THADA: variants seen among roughly 807,000 people sequenced by gnomAD.
THADA encodes the protein THADA armadillo repeat containing.
In THADA, 213 loss-of-function variants were observed where a neutral mutation model predicts 219.8. The ratio of observed to expected loss-of-function variants is 0.97; its 90% confidence interval spans 0.87 to 1.09. THADA has a LOEUF of 1.09. Among genes scored for constraint, THADA ranks in the 50% least tolerant of loss-of-function variants. The pLI, the probability that THADA is intolerant of heterozygous loss-of-function variation, is 0.00. For synonymous variants in THADA, 1,018 were observed against 828.9 expected (o/e 1.23, Z -3.92); for missense variants, 2,956 against 2,311.3 (o/e 1.28, Z -5.72).
chr2:43,522,822 G>A (rs1372842008), intron 22 of THADA, among the ~76,000 whole-genome samples: 1 of 151,934 alleles, frequency 6.6e-6, no homozygotes, highest in African/African-American at 2.4e-5. Flanking sequence ...AATAGAAAAG[G>A]GAAATTAAAA....
chr2:43,375,353 T>C (rs1671251954), intron 29 of THADA, among the ~76,000 whole-genome samples: 1 of 152,184 alleles, frequency 6.6e-6, no homozygotes, highest in Non-Finnish European at 1.5e-5. Context: ...TCAATGAAAC[T>C]ATCAATGGAG....
In THADA at chr2:43,398,005, A is replaced by T. The variant is rs777912941; in HGVS notation, c.4193T>A (p.Phe1398Tyr). 4.8e-5 allele frequency: 78 copies of T among 1,613,854 alleles called. No homozygotes were observed. The highest frequency in any genetic ancestry group is 6.5e-5 in the Non-Finnish European group (77 of 1,179,852). The change falls in exon 29 of 38, where the codon TTC (phenylalanine) becomes TAC (tyrosine). Residue 1398 changes from phenylalanine (F) to tyrosine (Y), a missense_variant. Transcript: ENST00000405975. ...TGTCCCATGAATGTGGTTTTGCCGG[A>T]AACACTGGTCAGTGCAGCTGGGGAG... ...STLPSCTDQCFRQNHIHGTLL... is the reference protein window; with the variant it reads ...STLPSCTDQCYRQNHIHGTLL...
intron 36 of THADA, among the ~76,000 whole-genome samples, chr2:43,249,993 C>T (rs1373659620): frequency 6.6e-6 from 1 of 152,160 alleles, no homozygotes; most frequent in Non-Finnish European, 1.5e-5. Context: ...CAAGAAAGGA[C>T]CTCCAGTTCC....
intron 24 of THADA, 122 bp from the exon 25 acceptor site, chr2:43,499,077 C>G (rs987314327): frequency 1.9e-6 from 2 of 1,056,222 alleles, no homozygotes; most frequent in African/African-American, 1.6e-5. Context: ...ATGGATAATC[C>G]GCAAATGAAA....
At chr2:43,251,256 T>C (rs1669779613) in intron 36 of THADA, among the ~76,000 whole-genome samples, 1 of 152,236 alleles carries the variant, frequency 6.6e-6, no homozygotes, top group African/African-American at 2.4e-5. Flanking sequence ...GAAATCTCTT[T>C]ACCTAAATTA....
At chr2:43,369,979 G>A (rs1030704467) in intron 29 of THADA, 4 of 152,178 alleles carry the variant, frequency 2.6e-5, no homozygotes, top group African/African-American at 9.7e-5. Context: ...AGATCCCAGT[G>A]AAGAATTTAT....
intron 26 of THADA, among the ~76,000 whole-genome samples, chr2:43,431,533 T>C (rs1446049857): frequency 6.6e-6 from 1 of 152,056 alleles, no homozygotes; most frequent in African/African-American, 2.4e-5. Context: ...TGGTGCGATC[T>C]CGGCTCACTG....
chr2:43,300,713 AAG>A (rs1195113306), intron 31 of THADA, among the ~76,000 whole-genome samples: 2 of 152,202 alleles, frequency 1.3e-5, no homozygotes, highest in Non-Finnish European at 2.9e-5. Context: ...GAGGAGCAGC[AAG>A]AGAGGTTAGA....
chr2:43,586,751 G>C lies in THADA; in HGVS notation c.452-17C>G. ...TTGCTCTACCTGTAGAGGAAAAAAT[G>C]AACACTGGTAAGGAGTTTCACGACC... On this transcript the variant is annotated splice_polypyrimidine_tract_variant and intron_variant, in intron 5 of 37. Coordinates refer to ENST00000405975, the MANE Select transcript of THADA (RefSeq NM_022065.5). 1 of 1,612,430 alleles carries C rather than the reference G, an allele frequency of 6.2e-7. No homozygotes were observed. Among genetic ancestry groups the C allele is most frequent in the Non-Finnish European group, 8.5e-7 (1 of 1,179,510 alleles).
chr2:43,585,839 C>T (rs1700965366), intron 7 of THADA, among the ~76,000 whole-genome samples: 1 of 151,886 alleles, frequency 6.6e-6, no homozygotes, highest in Non-Finnish European at 1.5e-5. Context: ...TTCACTTATT[C>T]TCATAACAAT....
intron 29 of THADA, among the ~76,000 whole-genome samples, chr2:43,352,995 T>C (rs539874679): frequency 2.0e-5 from 3 of 152,330 alleles, no homozygotes; most frequent in South Asian, 4.1e-4. Context: ...ATTAAGATCA[T>C]GCGACACTTT....
chr2:43,328,211 G>A (rs1679551656), intron 30 of THADA, among the ~76,000 whole-genome samples: 1 of 152,196 alleles, frequency 6.6e-6, no homozygotes, highest in African/African-American at 2.4e-5. Context: ...GTGATGAACT[G>A]TAGAATATAT....
intron 24 of THADA, among the ~76,000 whole-genome samples, 169 bp from the exon 25 acceptor site, chr2:43,499,124 A>G (rs931535507): frequency 5.9e-5 from 9 of 152,218 alleles, no homozygotes; most frequent in African/African-American, 2.2e-4. Context: ...TAGCTGATAA[A>G]CCATTTTACA....
chr2:43,421,580 T>A (rs561081875), intron 28 of THADA, among the ~76,000 whole-genome samples: 1 of 152,226 alleles, frequency 6.6e-6, no homozygotes, highest in African/African-American at 2.4e-5. Context: ...TTATCTACTA[T>A]AACCACTCTT....
intron 31 of THADA, among the ~76,000 whole-genome samples, chr2:43,304,887 G>T (rs1417980043): frequency 6.6e-6 from 1 of 152,108 alleles, no homozygotes; most frequent in Non-Finnish European, 1.5e-5. Context: ...GGCCAGGCTG[G>T]TCTTGAACTC....
At chr2:43,315,225 A>G (rs923506525) in intron 31 of THADA, among the ~76,000 whole-genome samples, 1 of 152,258 alleles carries the variant, frequency 6.6e-6, no homozygotes, top group Admixed American at 6.5e-5. Flanking sequence ...AAACATATGT[A>G]TATACACATA....
At chr2:43,401,711 T>A (rs1427528253) in intron 28 of THADA, among the ~76,000 whole-genome samples, 1 of 152,160 alleles carries the variant, frequency 6.6e-6, no homozygotes, top group African/African-American at 2.4e-5. Context: ...ATTATAAACC[T>A]AAATTAACAG....
chr2:43,261,221 T>TC (rs1670902102), intron 36 of THADA, among the ~76,000 whole-genome samples: 1 of 115,430 alleles, frequency 8.7e-6, no homozygotes, highest in Non-Finnish European at 1.9e-5. Context: ...CATTTCTTTT[T>TC]TTTTTTTTTT....
At chr2:43,339,574 C>CCAGCCCTGACTAGTCCATTTAGTTCACT (rs1278546265) in intron 30 of THADA, among the ~76,000 whole-genome samples, 13 of 152,192 alleles carry the variant, frequency 8.5e-5, no homozygotes, top group African/African-American at 2.9e-4. Context: ...GCCACCGCAC[C>CCAGCCCTGACTAGTCCATTTAGTTCACT]CAGCCCTGAC....
Sources: gnomAD v4.1 joint callset for allele counts (sites outside exome capture counted in the v4.1 genomes callset) on GRCh38, gnomAD v4.1.1 for gene constraint, MANE v1.5 for transcripts, NCBI Gene and HGNC (gene_info 2026-07-23, HGNC 2026-07-21) for gene names.